RANBP17: variants seen among roughly 807,000 people sequenced by gnomAD.
The protein encoded by RANBP17 is ran-binding protein 17.
A neutral mutation model predicts 141.2 loss-of-function variants in RANBP17; 158 were observed. The ratio of observed to expected loss-of-function variants is 1.12; its 90% CI spans 0.98 to 1.28. The LOEUF (loss-of-function observed/expected upper bound fraction) is 1.28, where lower values mean the gene tolerates loss of function less well. Among genes scored for constraint, RANBP17 ranks in the 50% most tolerant of loss-of-function variants. The probability of loss-of-function intolerance (pLI) is 0.00; values close to 1 mark genes in which losing one functional copy is unlikely to be tolerated. For synonymous variants in RANBP17, 430 were observed against 450.0 expected (o/e 0.96, Z 0.56); for missense variants, 1,438 against 1,290.7 (o/e 1.11, Z -1.75).
chr5:171,074,924 G>A (rs1392001724), intron 14 of RANBP17, among the ~76,000 whole-genome samples: 1 of 152,148 alleles, frequency 6.6e-6, no homozygotes, highest in African/African-American at 2.4e-5. Flanking sequence ...GATGCTGGGA[G>A]CTTTTGCACA....
At chr5:171,151,781 A>G (rs981927116) in intron 14 of RANBP17, among the ~76,000 whole-genome samples, 1 of 152,198 alleles carries the variant, frequency 6.6e-6, no homozygotes, top group Non-Finnish European at 1.5e-5. Flanking sequence ...AAGAGCCAAA[A>G]TTGTTGCCAT....
chr5:171,189,229 A>G (rs1761471197), intron 18 of RANBP17, among the ~76,000 whole-genome samples: 1 of 152,236 alleles, frequency 6.6e-6, no homozygotes, highest in African/African-American at 2.4e-5. Context: ...AGCTACCCTC[A>G]TAGAACTTCC....
intron 6 of RANBP17, 154 bp from the exon 7 acceptor site, chr5:170,910,815 A>G: frequency 1.5e-6 from 1 of 669,988 alleles, no homozygotes; most frequent in South Asian, 2.2e-5. Context: ...TTTTTCTTGA[A>G]GAAGGTAACA....
chr5:171,296,399 G>C (rs150361590), intron 27 of RANBP17, among the ~76,000 whole-genome samples: 2 of 152,298 alleles, frequency 1.3e-5, no homozygotes, highest in African/African-American at 4.8e-5. Flanking sequence ...ACAGACCCGA[G>C]ATACAGCTGA....
At chr5:171,177,889 A>G (rs1229239137) in intron 16 of RANBP17, among the ~76,000 whole-genome samples, 1 of 152,158 alleles carries the variant, frequency 6.6e-6, no homozygotes, top group Non-Finnish European at 1.5e-5. Flanking sequence ...AACTTCATAC[A>G]GTGGGCATTT....
intron 25 of RANBP17, among the ~76,000 whole-genome samples, chr5:171,268,323 G>T (rs1766868153): frequency 6.6e-6 from 1 of 152,092 alleles, no homozygotes; most frequent in Admixed American, 6.6e-5. Flanking sequence ...CCTGAAAAAT[G>T]GATATCAGCA....
chr5:170,962,803 G>A (rs1393639661), intron 13 of RANBP17, among the ~76,000 whole-genome samples: 3 of 152,114 alleles, frequency 2.0e-5, no homozygotes, highest in Admixed American at 6.6e-5. Flanking sequence ...TATGCAAAGG[G>A]TACTTTTAAA....
intron 14 of RANBP17, among the ~76,000 whole-genome samples, chr5:170,975,869 A>G (rs757520257): frequency 1.3e-5 from 2 of 152,080 alleles, no homozygotes; most frequent in African/African-American, 2.4e-5. Flanking sequence ...CAGAAACACC[A>G]AAATGGATTC....
intron 27 of RANBP17, 40 bp from the exon 28 acceptor site, chr5:171,298,722 C>A: frequency 6.6e-7 from 1 of 1,511,500 alleles, no homozygotes; most frequent in Non-Finnish European, 9.2e-7. Flanking sequence ...GGAGGCTTTG[C>A]CTCATTACTA....
rs1253348441 is a variant in RANBP17, at chr5:171,210,969, C to T, written c.2232-2662C>T. On this transcript the variant is annotated intron_variant, in intron 20 of 27. Coordinates refer to ENST00000523189, the MANE Select transcript of RANBP17 (RefSeq NM_022897.5). ...GCAATGAGCCAAGATTGCGCCACTG[C>T]ACCCCAGCCTGGCAACAGAACAAGA... is the stretch of plus-strand genomic sequence containing the variant. Among the ~76,000 whole-genome samples, 4 of 147,852 alleles carry T rather than the reference C, an allele frequency of 2.7e-5. No individual in the cohort carries two copies. In the East Asian group the frequency reaches 8.0e-4, roughly 29 times the overall value.
rs75901126 is a variant in RANBP17 at position 170,880,461 on chromosome 5, C to T, written c.166-1345C>T. On this transcript the variant is annotated intron_variant, in intron 2 of 27. Coordinates refer to ENST00000523189, the MANE Select transcript of RANBP17 (RefSeq NM_022897.5). ...AATAAAACAATGTTGATTTAATTAA[C>T]TCATCATCGGTAAATGGCTGTGTGA... is the stretch of plus-strand genomic sequence containing the variant. 4.7e-3 allele frequency among the ~76,000 whole-genome samples: 723 copies of T among 152,314 alleles called. 4 individuals are homozygous for T. The highest frequency in any genetic ancestry group is 0.017 in the African/African-American group (701 of 41,576).
At chr5:171,053,927 TTG>T in intron 14 of RANBP17, among the ~76,000 whole-genome samples, 1 of 119,126 alleles carries the variant, frequency 8.4e-6, no homozygotes, top group Non-Finnish European at 1.8e-5. Context: ...ATATATATAA[TTG>T]CTGTATTTGA....
intron 18 of RANBP17, 72 bp downstream of exon 18, chr5:171,183,502 C>T: frequency 2.0e-6 from 2 of 976,346 alleles, no homozygotes; most frequent in Non-Finnish European, 3.3e-6. Flanking sequence ...AAGTGGAGTA[C>T]TAGTGGGTAC....
At chr5:171,143,010 A>T (rs987021084) in intron 14 of RANBP17, among the ~76,000 whole-genome samples, 1 of 152,172 alleles carries the variant, frequency 6.6e-6, no homozygotes, top group Non-Finnish European at 1.5e-5. Context: ...TTTAAAATCT[A>T]TTTTATCCAT....
At chr5:170,912,263 A>G (rs1051687233) in intron 7 of RANBP17, among the ~76,000 whole-genome samples, 1 of 151,982 alleles carries the variant, frequency 6.6e-6, no homozygotes, top group East Asian at 1.9e-4. Flanking sequence ...ACATGAGTAC[A>G]TGTAAAACTG....
intron 13 of RANBP17, among the ~76,000 whole-genome samples, chr5:170,955,681 T>TACAC (rs1554141333): frequency 0.027 from 1,050 of 38,716 alleles, 203 homozygotes; most frequent in South Asian, 0.1. Flanking sequence ...TATATATATA[T>TACAC]ACACTGAATG....
intron 5 of RANBP17, chr5:170,904,550 A>C (rs1770921521): frequency 6.6e-6 from 1 of 152,160 alleles, no homozygotes; most frequent in African/African-American, 2.4e-5. Flanking sequence ...CAGAAAGTCT[A>C]GTTTGTTTTT....
intron 14 of RANBP17, among the ~76,000 whole-genome samples, chr5:171,052,401 G>T (rs1427128688): frequency 1.3e-5 from 2 of 152,028 alleles, no homozygotes; most frequent in African/African-American, 4.8e-5. Flanking sequence ...TTTGTATAGG[G>T]TGTGAGATTA....
At chr5:171,107,060 A>G (rs1323696327) in intron 14 of RANBP17, among the ~76,000 whole-genome samples, 1 of 151,976 alleles carries the variant, frequency 6.6e-6, no homozygotes, top group Non-Finnish European at 1.5e-5. Context: ...TTGGAGTTCA[A>G]CATGTTTATG....
Sources: allele counts gnomAD v4.1 joint callset (sites outside exome capture counted in the v4.1 genomes callset), GRCh38; gene constraint gnomAD v4.1.1; transcripts MANE v1.5; gene names NCBI Gene and HGNC (gene_info 2026-07-23, HGNC 2026-07-21).